The following LPIN1 variants were observed in gnomAD, a reference collection of about 807,000 sequenced individuals.
The protein encoded by LPIN1 is phosphatidate phosphatase LPIN1.
In LPIN1, 71 loss-of-function variants were observed where a neutral mutation model predicts 107.5. That is an observed-to-expected ratio of 0.66 (90% CI 0.55 to 0.80). LPIN1 has a LOEUF of 0.80. Ranked by LOEUF, LPIN1 falls within the 30% of genes least tolerant of loss-of-function variation. The probability of loss-of-function intolerance (pLI) is 0.00; values close to 1 mark genes in which losing one functional copy is unlikely to be tolerated. For missense variants in LPIN1, 1,043 were observed against 1,160.6 expected (o/e 0.90, Z 1.47); for synonymous variants, 445 against 452.6 (o/e 0.98, Z 0.21).
In LPIN1 at chr2:11,749,122, C is replaced by T. The variant is rs546601647; in HGVS notation, c.-10+2451C>T. On this transcript the variant is annotated intron_variant, in intron 1 of 20. Transcript: ENST00000674199. ...TAAGCCCACTCATTTAAAACTGGAACGGGGTGTGTGGGGAAAAAAGAGTTG... is the reference window on the plus strand; with the variant it reads ...TAAGCCCACTCATTTAAAACTGGAATGGGGTGTGTGGGGAAAAAAGAGTTG... Among the ~76,000 whole-genome samples, 19 of 152,200 alleles carry T rather than the reference C, an allele frequency of 1.2e-4. No homozygotes were observed. The South Asian group carries it at 1.7e-3, about 13-fold the overall frequency.
chr2:11,776,125 A>G lies in LPIN1; in HGVS notation c.762A>G (p.Ala254=). The change falls in exon 6 of 21, where the codon GCA becomes GCG. Residue 254 remains alanine, a synonymous_variant. Transcript: ENST00000674199. ...GCAAAAGGACTGCCCCTCATCTTGC[A>G]GTTGCGGCCGAGGGAGGTCTGTCTA... The part of the protein sequence containing the change: ...VDCKRTAPHL[A]VAAEGGLSSS... 1 of 1,548,760 alleles carries G rather than the reference A, an allele frequency of 6.5e-7. No homozygotes were observed. Among genetic ancestry groups the G allele is most frequent in the Non-Finnish European group, 8.7e-7 (1 of 1,145,784 alleles).
chr2:11,775,794 A>T (rs1672563090), intron 5 of LPIN1, among the ~76,000 whole-genome samples: 1 of 149,482 alleles, frequency 6.7e-6, no homozygotes, highest in Non-Finnish European at 1.5e-5. Context: ...TTTTCTTAAA[A>T]ATGTCGTTGT....
At position 11,825,020 on chromosome 2, in the gene LPIN1, G is replaced by A. The variant is rs944085031; in HGVS notation, c.*229G>A. The stretch of plus-strand genomic sequence containing the variant: ...GCTAGGAGTTGGGTGCATTTGTACC[G>A]TGAAAAGCATTCCTCAGTTGTGGCT... On this transcript the variant is annotated 3_prime_UTR_variant, in exon 21 of 21. Coordinates refer to ENST00000674199, the MANE Select transcript of LPIN1 (RefSeq NM_001349206.2). This position sits in a 1 kb window ranked among gnomAD's most constrained non-coding sequence, Gnocchi z 4.1. The A allele has an allele frequency of 4.7e-5, 27 of 575,788 alleles. No homozygotes were observed. The highest frequency in any genetic ancestry group is 5.6e-5 in the Non-Finnish European group (18 of 322,396). The allele number at this position is 575,788 out of a possible 1,614,324, so 35.7% of individuals were successfully genotyped here.
chr2:11,706,018 A>G (rs1015712893), intron 1 of LPIN1, among the ~76,000 whole-genome samples: 5 of 152,140 alleles, frequency 3.3e-5, no homozygotes, highest in African/African-American at 7.2e-5. Flanking sequence ...TTTAAAAATG[A>G]GAGTTTCCCT....
intron 9 of LPIN1, 151 bp downstream of exon 9, chr2:11,784,073 G>A: frequency 7.6e-7 from 1 of 1,315,398 alleles, no homozygotes; most frequent in Non-Finnish European, 1.0e-6. Context: ...GGGAGGCTGA[G>A]GTGGGCGGAT....
chr2:11,771,767 C>T lies in LPIN1; in HGVS notation c.596+88C>T. The stretch of plus-strand genomic sequence containing the variant: ...TTTTATGAACTTTTCCCCCATAATT[C>T]CTTATTCTTTTATGTGTTTTAGACC... On this transcript the variant is annotated intron_variant, in intron 4 of 20. Coordinates refer to ENST00000674199, the MANE Select transcript of LPIN1 (RefSeq NM_001349206.2). The surrounding 1 kb of genome is among the most constrained non-coding windows in gnomAD (Gnocchi z 4.8). 1 of 1,368,734 alleles carries T rather than the reference C, an allele frequency of 7.3e-7. No homozygotes were observed. Among genetic ancestry groups the T allele is most frequent in the Non-Finnish European group, 1.0e-6 (1 of 997,432 alleles). 84.8% of individuals were successfully genotyped at this position (1,368,734 alleles called of 1,614,324 possible).
intron 1 of LPIN1, among the ~76,000 whole-genome samples, chr2:11,688,511 C>G (rs1662118683): frequency 6.6e-6 from 1 of 152,184 alleles, no homozygotes; most frequent in Non-Finnish European, 1.5e-5. Flanking sequence ...CCCGCCTGTT[C>G]CTCATTTACC....
chr2:11,759,145 C>CT (rs1341267434), intron 1 of LPIN1, among the ~76,000 whole-genome samples: 32 of 130,178 alleles, frequency 2.5e-4, no homozygotes, highest in African/African-American at 9.4e-4. Context: ...TTCTTTCTTT[C>CT]TTTCTTTCTT....
At chr2:11,805,188 G>C (rs72775821) in intron 17 of LPIN1, 32 bp downstream of exon 17, 2 of 1,474,380 alleles carry the variant, frequency 1.4e-6, no homozygotes, top group Admixed American at 1.7e-5. Context: ...CCCGCCTCCT[G>C]TGAACGCTGG....
chr2:11,773,615 T>G lies in LPIN1; in HGVS notation c.597-5T>G. 1 of 1,604,456 alleles carries G rather than the reference T, an allele frequency of 6.2e-7. No individual in the cohort carries two copies. Among genetic ancestry groups the G allele is most frequent in the South Asian group, 1.1e-5 (1 of 90,842 alleles). On this transcript the variant is annotated splice_polypyrimidine_tract_variant and splice_region_variant and intron_variant, in intron 4 of 20. Coordinates refer to ENST00000674199, the MANE Select transcript of LPIN1 (RefSeq NM_001349206.2). ...TTGACTTTAATCTTTTTTTTTTTCC[T>G]CCAGAACTCTTCCTAATGATATACC...
intron 14 of LPIN1, among the ~76,000 whole-genome samples, chr2:11,801,232 A>C (rs900365229): frequency 5.3e-5 from 8 of 152,254 alleles, no homozygotes; most frequent in African/African-American, 1.9e-4. Flanking sequence ...ACTAGCATAC[A>C]ATCCAGCAAT....
Position 11,765,629 on chromosome 2 carries a change from T to C in LPIN1, c.88T>C (p.Cys30Arg). Residue 30 changes from cysteine to arginine, a missense_variant, in exon 2 of 21, where the codon TGC (cysteine) becomes CGC (arginine). Transcript: ENST00000674199. This position sits in a 1 kb window ranked among gnomAD's most constrained non-coding sequence, Gnocchi z 4.4. ...KGLNPATLSG[C>R]IDIIVIRQPN... ...GCTGAATCCCGCCACACTCTCAGGG[T>C]GCATTGACATCATTGTCATCCGCCA... is the stretch of plus-strand genomic sequence containing the variant. 6.2e-7 allele frequency: 1 copy of C among 1,614,116 alleles called. No homozygotes were observed. The highest frequency in any genetic ancestry group is 8.5e-7 in the Non-Finnish European group (1 of 1,179,984).
At position 11,726,622 on chromosome 2, in the gene LPIN1, G is replaced by C. The variant is rs547361332; in HGVS notation, c.-72+2083G>C. Among the ~76,000 whole-genome samples, 3 of 151,628 alleles carry C rather than the reference G, an allele frequency of 2.0e-5. No homozygotes were observed. The East Asian group carries it at 5.8e-4, about 29-fold the overall frequency. On this transcript the variant is annotated intron_variant, in intron 1 of 21. Coordinates refer to the LPIN1 transcript ENST00000396097. The stretch of plus-strand genomic sequence containing the variant: ...CCCTCCTCCCCCTCCCAAACTCCTC[G>C]AGCCTCTGGGACTTTAGCAATCATG...
At chr2:11,741,494 G>T in intron 2 of LPIN1, 1 of 1,260,656 alleles carries the variant, frequency 7.9e-7, no homozygotes, top group African/African-American at 1.5e-5. Context: ...AAATAATATT[G>T]TTTGGCAACT....
At chr2:11,718,778 G>A (rs904263403) in intron 2 of LPIN1, among the ~76,000 whole-genome samples, 1 of 152,174 alleles carries the variant, frequency 6.6e-6, no homozygotes, top group African/African-American at 2.4e-5. Context: ...ACACTGATGT[G>A]CCTTGAGGTA....
rs1380839089 is a variant in LPIN1 at position 11,765,337 on chromosome 2, G to A, written c.-9-196G>A. Among the ~76,000 whole-genome samples, 1 of 152,032 alleles carries A rather than the reference G, an allele frequency of 6.6e-6. No homozygotes were observed. Among genetic ancestry groups the A allele is most frequent in the East Asian group, 1.9e-4 (1 of 5,158 alleles). On this transcript the variant is annotated intron_variant, in intron 1 of 20. Coordinates refer to ENST00000674199, the MANE Select transcript of LPIN1 (RefSeq NM_001349206.2). The surrounding 1 kb of genome is among the most constrained non-coding windows in gnomAD (Gnocchi z 4.4). ...CTGATGGGCCATGATGGACACTGAT[G>A]GGCCGTGATGGGCCCTGATGGGCCC...
intron 4 of LPIN1, 32 bp from the exon 5 acceptor site, chr2:11,773,588 C>T (rs1167749332): frequency 6.3e-7 from 1 of 1,590,242 alleles, no homozygotes; most frequent in South Asian, 1.1e-5. Context: ...ATTAAGAATT[C>T]TTTGACTTTA....
intron 17 of LPIN1, among the ~76,000 whole-genome samples, chr2:11,807,476 C>CT (rs1678902881): frequency 6.6e-6 from 1 of 150,812 alleles, no homozygotes; most frequent in Admixed American, 6.6e-5. Context: ...TATTTCTGTC[C>CT]TTACTGTAAC....
intron 19 of LPIN1, 119 bp from the exon 20 acceptor site, chr2:11,820,292 T>G (rs1681290764): frequency 2.8e-6 from 2 of 713,166 alleles, no homozygotes; most frequent in African/African-American, 1.8e-5. Flanking sequence ...TGCACCACTT[T>G]GAGGTAGAGC....
Sources: gnomAD v4.1 joint callset for allele counts (sites outside exome capture counted in the v4.1 genomes callset) on GRCh38, gnomAD v4.1.1 for gene constraint, Gnocchi (gnomAD v3.1) non-coding constraint, MANE v1.5 for transcripts, NCBI Gene and HGNC (gene_info 2026-07-23, HGNC 2026-07-21) for gene names.